PPP3R1: variants seen among roughly 807,000 people sequenced by gnomAD.
PPP3R1 encodes protein phosphatase 3 regulatory subunit B, alpha.
A neutral mutation model predicts 22.6 loss-of-function variants in PPP3R1; 5 were observed. That is an observed-to-expected ratio of 0.22 (90% CI 0.12 to 0.46). PPP3R1 has a LOEUF of 0.46. Ranked by LOEUF, PPP3R1 falls within the 20% of genes least tolerant of loss-of-function variation. The pLI is 0.99. For missense variants in PPP3R1, 61 were observed against 203.2 expected, an observed-to-expected ratio of 0.30 and a Z score of 4.25; for synonymous variants, 56 against 65.2, an observed-to-expected ratio of 0.86 and a Z score of 0.68.
intron 2 of PPP3R1, among the ~76,000 whole-genome samples, chr2:68,210,177 T>TA (rs1218843081): frequency 6.6e-6 from 1 of 152,156 alleles, no homozygotes; most frequent in Non-Finnish European, 1.5e-5. Flanking sequence ...CCTCATATCT[T>TA]AATCTATTGG....
At chr2:68,248,795 T>A (rs1670283372) in intron 1 of PPP3R1, among the ~76,000 whole-genome samples, 1 of 152,226 alleles carries the variant, frequency 6.6e-6, no homozygotes, top group African/African-American at 2.4e-5. Context: ...CTTTTCCTAA[T>A]CCCAGGTGAA....
chr2:68,218,658 GTATGT>G (rs1332681550), intron 1 of PPP3R1, among the ~76,000 whole-genome samples: 5 of 148,376 alleles, frequency 3.4e-5, no homozygotes, highest in Admixed American at 3.3e-4. Context: ...TTAAAGTTAA[GTATGT>G]TTCTTGCAAG....
rs1266781428 is a variant in PPP3R1 at position 68,180,089 on chromosome 2, A to G, written c.*874T>C. The G allele has an allele frequency of 3.3e-5, 5 of 152,250 alleles. No homozygotes were observed. Among genetic ancestry groups the G allele is most frequent in the African/African-American group, 1.2e-4 (5 of 41,468 alleles). The allele number at this position is 152,250 out of a possible 1,614,324, so 9.4% of individuals were successfully genotyped here. ...ACATACAATCAATCATGATTGCCTC[A>G]GACAGCTTCTGGCCTTTATGTATAA... On this transcript the variant is annotated 3_prime_UTR_variant, in exon 6 of 6. Coordinates refer to ENST00000234310, the MANE Select transcript of PPP3R1 (RefSeq NM_000945.4).
intron 1 of PPP3R1, among the ~76,000 whole-genome samples, chr2:68,223,422 C>G (rs75768658): frequency 0.033 from 4,963 of 152,128 alleles, 295 homozygotes; most frequent in African/African-American, 0.11. Context: ...CAAAAGAAAA[C>G]TATATCTAAT....
intron 4 of PPP3R1, 87 bp downstream of exon 4, chr2:68,187,168 T>C (rs1674563102): frequency 9.0e-7 from 1 of 1,110,692 alleles, no homozygotes; most frequent in African/African-American, 1.6e-5. Context: ...AAAAGACATC[T>C]TTTTCATTAT....
chr2:68,193,062 G>T (rs1001816626), intron 2 of PPP3R1, among the ~76,000 whole-genome samples: 3 of 152,138 alleles, frequency 2.0e-5, no homozygotes, highest in Admixed American at 6.6e-5. Flanking sequence ...CCCTTAGAAG[G>T]AGTAGTTAAA....
chr2:68,231,317 T>C (rs528059382), intron 1 of PPP3R1, among the ~76,000 whole-genome samples: 1 of 125,404 alleles, frequency 8.0e-6, no homozygotes, highest in African/African-American at 2.7e-5. Context: ...CTAAAATTAC[T>C]ATTTGGTCTT....
intron 1 of PPP3R1, among the ~76,000 whole-genome samples, chr2:68,231,890 CAT>C (rs951465517): frequency 1.3e-5 from 2 of 151,772 alleles, no homozygotes; most frequent in Non-Finnish European, 2.9e-5. Context: ...ATTTTGACCT[CAT>C]GTGCTCCCTA....
At chr2:68,218,508 G>T (rs1669621574) in intron 1 of PPP3R1, among the ~76,000 whole-genome samples, 2 of 152,066 alleles carry the variant, frequency 1.3e-5, no homozygotes. Flanking sequence ...TGATATTAAT[G>T]AACAGAGATG....
intron 1 of PPP3R1, among the ~76,000 whole-genome samples, chr2:68,241,797 T>A (rs1391437531): frequency 6.7e-6 from 1 of 150,092 alleles, no homozygotes; most frequent in African/African-American, 2.5e-5. Context: ...TGAACCGAGA[T>A]TGCACCACTG....
At chr2:68,240,451 C>A (rs1670101340) in intron 1 of PPP3R1, among the ~76,000 whole-genome samples, 1 of 152,124 alleles carries the variant, frequency 6.6e-6, no homozygotes, top group African/African-American at 2.4e-5. Flanking sequence ...ACAAAACAGA[C>A]AAGATGCCCA....
chr2:68,240,468 C>CA (rs1318844971), intron 1 of PPP3R1, among the ~76,000 whole-genome samples: 1 of 152,158 alleles, frequency 6.6e-6, no homozygotes, highest in East Asian at 1.9e-4. Context: ...CCCATTCTCA[C>CA]AGAGTTCACA....
chr2:68,211,271 G>A (rs1401288046), intron 2 of PPP3R1, among the ~76,000 whole-genome samples: 2 of 150,974 alleles, frequency 1.3e-5, no homozygotes, highest in Admixed American at 1.3e-4. Context: ...GCCCGGCGTG[G>A]TGGCGGGCGC....
chr2:68,239,542 G>C (rs1186868926), intron 1 of PPP3R1, among the ~76,000 whole-genome samples: 9 of 152,182 alleles, frequency 5.9e-5, no homozygotes, highest in Non-Finnish European at 1.5e-5. Context: ...AGTTGAGTTT[G>C]AGGTGTCTTA....
At chr2:68,210,504 T>C (rs1366830337) in intron 2 of PPP3R1, among the ~76,000 whole-genome samples, 4 of 152,226 alleles carry the variant, frequency 2.6e-5, no homozygotes, top group Non-Finnish European at 4.4e-5. Flanking sequence ...TTGTTCATGA[T>C]AATGGGATCA....
chr2:68,198,361 GTACA>G (rs1179809282), intron 2 of PPP3R1, among the ~76,000 whole-genome samples: 3 of 96,086 alleles, frequency 3.1e-5, no homozygotes, highest in African/African-American at 1.2e-4. Flanking sequence ...GCATATATAT[GTACA>G]TATATGTACA....
At chr2:68,249,629 C>T (rs896925161) in intron 1 of PPP3R1, among the ~76,000 whole-genome samples, 1 of 150,878 alleles carries the variant, frequency 6.6e-6, no homozygotes, top group South Asian at 2.1e-4. Context: ...TCACTATTTA[C>T]AAGATTTTTT....
In PPP3R1 at chr2:68,202,920, A is replaced by G. The variant is rs886788318; in HGVS notation, c.43+14172T>C. ...CAGGTTCACGCCATTCTCCTGCCTC[A>G]GCCTCCCGAGTAGCTGGGACTACAG... On this transcript the variant is annotated intron_variant, in intron 2 of 5. Transcript: ENST00000234310. 2.0e-5 allele frequency among the ~76,000 whole-genome samples: 3 copies of G among 147,044 alleles called. No individual in the cohort carries two copies. In the Admixed American group the frequency reaches 2.1e-4, roughly 10 times the overall value.
chr2:68,232,205 C>CAATATGT (rs199557298), intron 1 of PPP3R1, among the ~76,000 whole-genome samples: 1 of 29,380 alleles, frequency 3.4e-5, no homozygotes, highest in African/African-American at 4.0e-4. Context: ...ATATTATATA[C>CAATATGT]ATATTGTATA....
Sources: allele counts gnomAD v4.1 joint callset (sites outside exome capture counted in the v4.1 genomes callset), GRCh38; gene constraint gnomAD v4.1.1; transcripts MANE v1.5; gene names NCBI Gene and HGNC (gene_info 2026-07-23, HGNC 2026-07-21).